Variants in ST8SIA6 observed in about 807,000 individuals in gnomAD.
ST8SIA6 encodes the protein ST8 alpha-N-acetyl-neuraminide alpha-2,8-sialyltransferase 6, also known as alpha-2,8-sialyltransferase 8F.
Under a neutral mutation model 33.6 loss-of-function variants are expected in ST8SIA6, and 39 were observed. The observed-to-expected ratio is 1.16, with a 90% CI of 0.90 to 1.52. ST8SIA6 has a LOEUF of 1.52. Ranked by LOEUF, ST8SIA6 falls within the 40% of genes most tolerant of loss-of-function variation. ST8SIA6 has a pLI of 0.00. For missense variants in ST8SIA6, 441 were observed against 443.8 expected (o/e 0.99, Z 0.06); for synonymous variants, 172 against 167.2 (o/e 1.03, Z -0.22).
chr10:17,452,624 A>T (rs142398821), intron 2 of ST8SIA6, among the ~76,000 whole-genome samples: 6 of 152,350 alleles, frequency 3.9e-5, no homozygotes, highest in Admixed American at 6.5e-5. Context: ...TGAAATGAAG[A>T]TAAAGATTTA....
intron 4 of ST8SIA6, among the ~76,000 whole-genome samples, chr10:17,333,583 C>T (rs1848368781): frequency 6.8e-6 from 1 of 147,754 alleles, no homozygotes; most frequent in African/African-American, 2.5e-5. Context: ...TCAGAAATAA[C>T]ACCACACATC....
rs1281859955 is a variant in ST8SIA6, at chr10:17,317,226, G to A, written c.*3652C>T. On this transcript the variant is annotated 3_prime_UTR_variant, in exon 8 of 8. Transcript: ENST00000377602. ...GCCCTGTCTCCATTACATAAGTAGC[G>A]CATCTTTATCATATATCACCCACAT... Among the ~76,000 whole-genome samples the A allele has an allele frequency of 1.3e-5, 2 of 152,044 alleles. No homozygotes were observed. Among genetic ancestry groups the A allele is most frequent in the Middle Eastern group, 3.2e-3 (1 of 316 alleles).
intron 4 of ST8SIA6, among the ~76,000 whole-genome samples, chr10:17,340,756 C>A (rs557079060): frequency 6.6e-6 from 1 of 152,336 alleles, no homozygotes; most frequent in South Asian, 2.1e-4. Context: ...TATCTTACAA[C>A]CCAAAATATT....
intron 6 of ST8SIA6, among the ~76,000 whole-genome samples, chr10:17,324,774 T>C (rs1048214930): frequency 6.9e-6 from 1 of 145,362 alleles, no homozygotes; most frequent in Non-Finnish European, 1.5e-5. Flanking sequence ...TACCATACCA[T>C]GCATGCATGG....
At chr10:17,452,945 C>T (rs1338260660) in intron 2 of ST8SIA6, among the ~76,000 whole-genome samples, 1 of 152,018 alleles carries the variant, frequency 6.6e-6, no homozygotes. Flanking sequence ...AATATGGTCT[C>T]TGAGAGGTAA....
At chr10:17,370,044 G>A (rs1849682982) in intron 3 of ST8SIA6, among the ~76,000 whole-genome samples, 1 of 150,090 alleles carries the variant, frequency 6.7e-6, no homozygotes, top group Non-Finnish European at 1.5e-5. Flanking sequence ...GCAGTGGCAT[G>A]ATCTCGGCTC....
At chr10:17,364,000 A>G (rs1849479744) in intron 3 of ST8SIA6, among the ~76,000 whole-genome samples, 3 of 152,238 alleles carry the variant, frequency 2.0e-5, no homozygotes, top group African/African-American at 7.2e-5. Context: ...AAACTATCAT[A>G]TAACATCCAA....
Position 17,333,707 on chromosome 10 carries a change from A to T in ST8SIA6, c.378-2155T>A, listed in dbSNP as rs866571311. Among the ~76,000 whole-genome samples, 58 of 26,734 alleles carry T rather than the reference A, an allele frequency of 2.2e-3. 6 individuals carry two copies. The East Asian group carries it at 0.025, about 12-fold the overall frequency. The allele number at this position is 26,734 out of a possible 152,430, so 17.5% of individuals were successfully genotyped here. ...TATATATATATATATATATATATAT[A>T]TATATATATATTTTTTTTTTTTTTT... On this transcript the variant is annotated intron_variant, in intron 4 of 7. Transcript: ENST00000377602.
chr10:17,406,255 C>T (rs943279850), intron 2 of ST8SIA6, among the ~76,000 whole-genome samples: 1 of 152,156 alleles, frequency 6.6e-6, no homozygotes. Context: ...GCACCTAAAG[C>T]CAGGATGTAA....
chr10:17,416,464 T>C (rs141683406), intron 2 of ST8SIA6, among the ~76,000 whole-genome samples: 101 of 152,332 alleles, frequency 6.6e-4, no homozygotes, highest in African/African-American at 2.1e-3. Flanking sequence ...ACATTTCCAA[T>C]TGGACGTCTA....
At chr10:17,419,963 G>A (rs1429205247) in intron 2 of ST8SIA6, among the ~76,000 whole-genome samples, 17 of 152,100 alleles carry the variant, frequency 1.1e-4, no homozygotes. Context: ...TATATCATCA[G>A]AATTTCCTTT....
At position 17,344,434 on chromosome 10, in the gene ST8SIA6, C is replaced by T. The variant is rs1387288635; in HGVS notation, c.378-12882G>A. The stretch of plus-strand genomic sequence containing the variant: ...AGGCAAAGAAAGAATGAGAGCCAAG[C>T]GAAACCACTTGGGTCTCTTTTCTTA... On this transcript the variant is annotated intron_variant, in intron 4 of 7. Transcript: ENST00000377602. 2.6e-5 allele frequency among the ~76,000 whole-genome samples: 4 copies of T among 152,256 alleles called. No individual in the cohort carries two copies. In the East Asian group the frequency reaches 7.7e-4, roughly 29 times the overall value.
At chr10:17,363,030 T>C (rs564175057) in intron 3 of ST8SIA6, among the ~76,000 whole-genome samples, 71 of 152,256 alleles carry the variant, frequency 4.7e-4, no homozygotes, top group African/African-American at 1.7e-3. Flanking sequence ...TGTTTAAATA[T>C]AAATACAACA....
intron 2 of ST8SIA6, among the ~76,000 whole-genome samples, chr10:17,401,597 A>G (rs1193399936): frequency 1.3e-5 from 2 of 152,330 alleles, no homozygotes; most frequent in African/African-American, 2.4e-5. Flanking sequence ...AGACCAATGG[A>G]ACAGAACTGA....
intron 2 of ST8SIA6, among the ~76,000 whole-genome samples, chr10:17,402,694 T>A (rs1333539961): frequency 6.6e-6 from 1 of 152,002 alleles, no homozygotes; most frequent in Non-Finnish European, 1.5e-5. Context: ...AAACACCGCA[T>A]GTTCTCACTC....
chr10:17,338,622 A>G (rs1317082509), intron 4 of ST8SIA6, among the ~76,000 whole-genome samples: 2 of 152,222 alleles, frequency 1.3e-5, no homozygotes, highest in Admixed American at 6.5e-5. Context: ...TACAATGTAC[A>G]TATAAATGCT....
In ST8SIA6 at chr10:17,321,114, A is replaced by G. The variant is rs1376480218; in HGVS notation, c.961T>C (p.Leu321=). The G allele has an allele frequency of 1.7e-5, 28 of 1,614,050 alleles. No individual in the cohort carries two copies. Among genetic ancestry groups the G allele is most frequent in the Non-Finnish European group, 2.3e-5 (27 of 1,180,004 alleles). The part of the protein sequence containing the change: ...WRTKGVTAYR[L]STGLMITSVA... Reference sequence around the variant, plus strand: ...CTTGTGATCATCAAGCCGGTGGACAAGCGGTATGCAGTCACACCTTTAGTT... The same window carrying G: ...CTTGTGATCATCAAGCCGGTGGACAGGCGGTATGCAGTCACACCTTTAGTT... Residue 321 remains leucine (L), a synonymous_variant, in exon 8 of 8, where the codon TTG becomes CTG. Coordinates refer to ENST00000377602, the MANE Select transcript of ST8SIA6 (RefSeq NM_001004470.3).
At chr10:17,396,726 A>G (rs1197384532) in intron 2 of ST8SIA6, among the ~76,000 whole-genome samples, 1 of 152,160 alleles carries the variant, frequency 6.6e-6, no homozygotes, top group Non-Finnish European at 1.5e-5. Context: ...TCTCAAAATC[A>G]AAAACAAACG....
chr10:17,379,416 C>T (rs11814213), intron 3 of ST8SIA6, among the ~76,000 whole-genome samples: 7,672 of 152,134 alleles, frequency 0.05, 230 homozygotes, highest in African/African-American at 0.089. Context: ...CCAGGAGTGT[C>T]GGGTCACACC....
Sources: gnomAD v4.1 joint callset for allele counts (sites outside exome capture counted in the v4.1 genomes callset) on GRCh38, gnomAD v4.1.1 for gene constraint, MANE v1.5 for transcripts, NCBI Gene and HGNC (gene_info 2026-07-23, HGNC 2026-07-21) for gene names.